The following PTPRD variants were observed in gnomAD, a reference collection of about 807,000 sequenced individuals.
PTPRD encodes the protein receptor-type tyrosine-protein phosphatase delta.
In PTPRD, 34 loss-of-function variants were observed where a neutral mutation model predicts 214.5. That is an observed-to-expected ratio of 0.16 (90% CI 0.12 to 0.21). The LOEUF (loss-of-function observed/expected upper bound fraction) is 0.21. Ranked by LOEUF, PTPRD falls within the 10% of genes least tolerant of loss-of-function variation. PTPRD has a pLI of 1.00. For missense variants in PTPRD, 2,545 were observed against 2,398.7 expected, an observed-to-expected ratio of 1.06 and a Z score of -1.27; for synonymous variants, 1,128 against 845.7, an observed-to-expected ratio of 1.33 and a Z score of -5.79.
chr9:8,646,510 G>A (rs1297115614), intron 12 of PTPRD, among the ~76,000 whole-genome samples: 1 of 151,790 alleles, frequency 6.6e-6, no homozygotes. Context: ...CTCTCATCTC[G>A]ATGCCTCAGT....
At chr9:8,568,738 GT>G (rs368080606) in intron 14 of PTPRD, among the ~76,000 whole-genome samples, 14 of 151,994 alleles carry the variant, frequency 9.2e-5, no homozygotes, top group African/African-American at 3.4e-4. Flanking sequence ...ATAAACCTGA[GT>G]TTTCTGCAAG....
chr9:8,779,765 A>G (rs890907606), intron 11 of PTPRD, among the ~76,000 whole-genome samples: 1 of 150,674 alleles, frequency 6.6e-6, no homozygotes, highest in African/African-American at 2.4e-5. Flanking sequence ...TGCAGTCAGC[A>G]GGGCCCAAGA....
chr9:8,876,034 T>C (rs1367783004), intron 11 of PTPRD, among the ~76,000 whole-genome samples: 1 of 152,220 alleles, frequency 6.6e-6, no homozygotes, highest in Non-Finnish European at 1.5e-5. Context: ...TTTTGTTGGA[T>C]TTTTCTCTTA....
chr9:10,527,604 C>A (rs1268467556), intron 2 of PTPRD, among the ~76,000 whole-genome samples: 1 of 151,990 alleles, frequency 6.6e-6, no homozygotes, highest in Non-Finnish European at 1.5e-5. Context: ...AGATGTAAAC[C>A]ACTGGAAAAT....
intron 39 of PTPRD, among the ~76,000 whole-genome samples, chr9:8,351,889 G>T (rs1209139261): frequency 6.6e-6 from 1 of 151,880 alleles, no homozygotes; most frequent in Admixed American, 6.6e-5. Context: ...CAGAGAAGGG[G>T]CAGAAACTAA....
At chr9:8,940,824 TTAG>T (rs2099029101) in intron 11 of PTPRD, among the ~76,000 whole-genome samples, 1 of 68,330 alleles carries the variant, frequency 1.5e-5, no homozygotes, top group South Asian at 4.9e-4. Context: ...TTGCAAAACA[TTAG>T]TGATGATGAT....
At chr9:9,171,734 T>TTA (rs1008203841) in intron 10 of PTPRD, among the ~76,000 whole-genome samples, 2 of 151,968 alleles carry the variant, frequency 1.3e-5, no homozygotes, top group African/African-American at 2.4e-5. Flanking sequence ...ATTGATTATT[T>TTA]TATATATATA....
intron 2 of PTPRD, among the ~76,000 whole-genome samples, chr9:10,430,416 A>G (rs2098666791): frequency 6.6e-6 from 1 of 151,920 alleles, no homozygotes; most frequent in Non-Finnish European, 1.5e-5. Context: ...ATGCCTCTCT[A>G]TATACAGATA....
intron 3 of PTPRD, among the ~76,000 whole-genome samples, chr9:10,304,088 G>A (rs1404876414): frequency 6.6e-6 from 1 of 152,140 alleles, no homozygotes; most frequent in Non-Finnish European, 1.5e-5. Context: ...CTTCATCCCT[G>A]GGATGCAAGG....
chr9:9,431,592 G>C (rs1261755453), intron 8 of PTPRD, among the ~76,000 whole-genome samples: 1 of 152,054 alleles, frequency 6.6e-6, no homozygotes, highest in African/African-American at 2.4e-5. Flanking sequence ...CTACTATAAA[G>C]ACACATGCAC....
At chr9:9,312,917 T>C (rs1019105452) in intron 9 of PTPRD, among the ~76,000 whole-genome samples, 14 of 152,210 alleles carry the variant, frequency 9.2e-5, no homozygotes, top group African/African-American at 3.4e-4. Context: ...AAGTTTTGCT[T>C]TGCAAACATG....
At chr9:9,143,424 T>C (rs192338354) in intron 10 of PTPRD, among the ~76,000 whole-genome samples, 3 of 152,334 alleles carry the variant, frequency 2.0e-5, no homozygotes, top group Admixed American at 2.0e-4. Context: ...CTACGTTATA[T>C]TGAATAAATG....
At chr9:10,171,552 T>C (rs2099205998) in intron 3 of PTPRD, among the ~76,000 whole-genome samples, 1 of 152,144 alleles carries the variant, frequency 6.6e-6, no homozygotes, top group Non-Finnish European at 1.5e-5. Flanking sequence ...TGAGACAGAC[T>C]CTCGCTCTGT....
intron 35 of PTPRD, among the ~76,000 whole-genome samples, chr9:8,405,613 G>T (rs558123569): frequency 7.3e-4 from 111 of 152,008 alleles, no homozygotes; most frequent in African/African-American, 2.6e-3. Context: ...TTCATCATAG[G>T]CTACTGATAA....
chr9:9,033,817 T>G (rs1180811126), intron 10 of PTPRD, among the ~76,000 whole-genome samples: 2 of 152,140 alleles, frequency 1.3e-5, no homozygotes, highest in Non-Finnish European at 2.9e-5. Flanking sequence ...GGGACTGCAG[T>G]ATGTAAATTG....
At position 10,598,446 on chromosome 9, in the gene PTPRD, C is replaced by T. The variant is rs111742922; in HGVS notation, c.-600+13952G>A. On this transcript the variant is annotated intron_variant, in intron 2 of 45. Transcript: ENST00000381196. Reference sequence around the variant, plus strand: ...AGATATCACAGCAACATTTTAGAAACCTTCTATAAAATGTTATATGTTTAG... The same window carrying T: ...AGATATCACAGCAACATTTTAGAAATCTTCTATAAAATGTTATATGTTTAG... Among the ~76,000 whole-genome samples, 4 of 151,744 alleles carry T rather than the reference C, an allele frequency of 2.6e-5. No individual in the cohort carries two copies. In the South Asian group the frequency reaches 6.2e-4, roughly 24 times the overall value.
chr9:9,909,891 TTATAG>T (rs1385331166), intron 5 of PTPRD, among the ~76,000 whole-genome samples: 2 of 151,962 alleles, frequency 1.3e-5, no homozygotes, highest in Non-Finnish European at 2.9e-5. Flanking sequence ...ATTTTTTTCT[TTATAG>T]TAAAGTAATA....
intron 2 of PTPRD, among the ~76,000 whole-genome samples, chr9:10,365,663 G>C (rs2097501834): frequency 6.6e-6 from 1 of 152,012 alleles, no homozygotes; most frequent in Non-Finnish European, 1.5e-5. Context: ...GAGGAGCTCA[G>C]TCAACATTTA....
At chr9:8,807,129 G>C (rs577282834) in intron 11 of PTPRD, among the ~76,000 whole-genome samples, 1 of 152,262 alleles carries the variant, frequency 6.6e-6, no homozygotes, top group East Asian at 1.9e-4. Context: ...CTGAGCTCAG[G>C]AGTTCGAGAC....
Sources: gnomAD v4.1 joint callset for allele counts (sites outside exome capture counted in the v4.1 genomes callset) on GRCh38, gnomAD v4.1.1 for gene constraint, MANE v1.5 for transcripts, NCBI Gene and HGNC (gene_info 2026-07-23, HGNC 2026-07-21) for gene names.